PDE1C: variants seen among roughly 807,000 people sequenced by gnomAD.
PDE1C encodes the protein phosphodiesterase 1C.
PDE1C carries 62 observed loss-of-function variants against 93.1 expected under a neutral mutation model. The ratio of observed to expected loss-of-function variants is 0.67; its 90% confidence interval spans 0.54 to 0.82. The LOEUF (loss-of-function observed/expected upper bound fraction) is 0.82, where lower values mean the gene tolerates loss of function less well. Ranked by LOEUF, PDE1C falls within the 40% of genes least tolerant of loss-of-function variation. PDE1C has a pLI of 0.00. For missense variants in PDE1C, 742 were observed against 884.6 expected (o/e 0.84, Z 2.04); for synonymous variants, 325 against 310.1 (o/e 1.05, Z -0.50).
intron 3 of PDE1C, among the ~76,000 whole-genome samples, chr7:32,082,191 C>T (rs1043972718): frequency 6.6e-5 from 10 of 152,270 alleles, no homozygotes; most frequent in Admixed American, 3.3e-4. Context: ...GCTTAAAAAA[C>T]GGTGCACCAG....
At chr7:32,105,099 T>C (rs1389676687) in intron 3 of PDE1C, among the ~76,000 whole-genome samples, 1 of 152,200 alleles carries the variant, frequency 6.6e-6, no homozygotes, top group South Asian at 2.1e-4. Flanking sequence ...AAAAATTCCA[T>C]GGTTGCATTG....
chr7:32,380,404 A>ATTTTTTTTTTT (rs55965828), intron 1 of PDE1C, among the ~76,000 whole-genome samples: 1 of 137,260 alleles, frequency 7.3e-6, no homozygotes. Flanking sequence ...TGCCCGGCTA[A>ATTTTTTTTTTT]TTTTTTTTTT....
chr7:32,355,825 T>C (rs1260877612), intron 1 of PDE1C, among the ~76,000 whole-genome samples: 1 of 152,204 alleles, frequency 6.6e-6, no homozygotes, highest in Non-Finnish European at 1.5e-5. Context: ...ATGCAATACA[T>C]ACTCTCTGAA....
chr7:31,782,622 G>T (rs1311062610), intron 16 of PDE1C, among the ~76,000 whole-genome samples: 1 of 152,054 alleles, frequency 6.6e-6, no homozygotes, highest in African/African-American at 2.4e-5. Flanking sequence ...CTCTGAGGCC[G>T]GTTTGAAGGC....
chr7:31,992,015 GGA>G (rs111313017), intron 2 of PDE1C, among the ~76,000 whole-genome samples: 2,518 of 152,332 alleles, frequency 0.017, 73 homozygotes, highest in African/African-American at 0.057. Flanking sequence ...TCTGGAAAAG[GGA>G]GAGGGAGGCT....
At chr7:31,975,421 A>G (rs531849388) in intron 2 of PDE1C, among the ~76,000 whole-genome samples, 3 of 152,252 alleles carry the variant, frequency 2.0e-5, no homozygotes, top group East Asian at 3.9e-4. Flanking sequence ...TCAGACCTAT[A>G]AAGATAATAA....
intron 16 of PDE1C, among the ~76,000 whole-genome samples, chr7:31,791,059 T>G (rs1784546069): frequency 6.6e-6 from 1 of 152,102 alleles, no homozygotes; most frequent in Non-Finnish European, 1.5e-5. Context: ...AGGGTAACAC[T>G]ATTATCTACA....
intron 2 of PDE1C, among the ~76,000 whole-genome samples, chr7:31,994,738 A>G (rs188211525): frequency 6.8e-4 from 103 of 152,354 alleles, no homozygotes; most frequent in African/African-American, 2.4e-3. Flanking sequence ...AATATCTGCA[A>G]AAGAAGTGAA....
intron 2 of PDE1C, among the ~76,000 whole-genome samples, chr7:31,897,689 G>A (rs1799479089): frequency 6.6e-6 from 1 of 152,202 alleles, no homozygotes; most frequent in South Asian, 2.1e-4. Flanking sequence ...GTCATGTCAA[G>A]GACAAATGGG....
At chr7:32,301,374 T>C (rs909022880), upstream of PDE1C, among the ~76,000 whole-genome samples, 3 of 152,214 alleles carry the variant, frequency 2.0e-5, no homozygotes, top group African/African-American at 7.2e-5. Context: ...TGAGTGAAAT[T>C]AAAACTTGGT....
intron 1 of PDE1C, among the ~76,000 whole-genome samples, chr7:32,286,851 G>A (rs1396980739): frequency 6.6e-6 from 1 of 152,120 alleles, no homozygotes; most frequent in Non-Finnish European, 1.5e-5. Flanking sequence ...AAATGAATAT[G>A]GATCGTTTTT....
chr7:31,853,964 C>G (rs1793678289), intron 7 of PDE1C, among the ~76,000 whole-genome samples: 1 of 150,398 alleles, frequency 6.6e-6, no homozygotes, highest in East Asian at 2.0e-4. Flanking sequence ...TGAGCTCAAG[C>G]AATCCACCAA....
At chr7:31,774,116 T>G (rs1186820234) in intron 17 of PDE1C, among the ~76,000 whole-genome samples, 1 of 149,984 alleles carries the variant, frequency 6.7e-6, no homozygotes, top group African/African-American at 2.5e-5. Flanking sequence ...AATTGTAAAA[T>G]GAACTATTAT....
intron 1 of PDE1C, among the ~76,000 whole-genome samples, chr7:32,346,579 G>A (rs765325015): frequency 1.3e-5 from 2 of 152,170 alleles, no homozygotes; most frequent in Non-Finnish European, 2.9e-5. Context: ...AAGCAAACAA[G>A]TAACACCATG....
chr7:32,279,171 CTT>C (rs1485678309), intron 1 of PDE1C, among the ~76,000 whole-genome samples: 1 of 152,198 alleles, frequency 6.6e-6, no homozygotes, highest in African/African-American at 2.4e-5. Context: ...GTGTTCAACA[CTT>C]TATCACCAGA....
intron 1 of PDE1C, among the ~76,000 whole-genome samples, chr7:32,248,202 T>C (rs1007867848): frequency 2.8e-4 from 43 of 152,094 alleles, no homozygotes; most frequent in Non-Finnish European, 5.9e-4. Context: ...CAGTTGGCAG[T>C]GGGATATATA....
chr7:32,045,120 A>G (rs928815987), intron 2 of PDE1C, among the ~76,000 whole-genome samples: 5 of 134,882 alleles, frequency 3.7e-5, no homozygotes, highest in African/African-American at 1.4e-4. Context: ...AAGTGAGTGA[A>G]TGACTAAGTA....
intron 1 of PDE1C, among the ~76,000 whole-genome samples, chr7:32,056,702 A>C (rs746351099): frequency 2.0e-5 from 3 of 152,228 alleles, no homozygotes; most frequent in African/African-American, 7.2e-5. Context: ...TACTAAAAAC[A>C]GTAGTATTGC....
intron 2 of PDE1C, among the ~76,000 whole-genome samples, chr7:32,201,842 C>T (rs938596877): frequency 6.6e-6 from 1 of 152,212 alleles, no homozygotes; most frequent in African/African-American, 2.4e-5. Context: ...CTCTCTTGTT[C>T]ATCCCTTCTT....
Sources: allele counts gnomAD v4.1 joint callset (sites outside exome capture counted in the v4.1 genomes callset), GRCh38; gene constraint gnomAD v4.1.1; transcripts MANE v1.5; gene names NCBI Gene and HGNC (gene_info 2026-07-23, HGNC 2026-07-21).